The following SOX5 variants were observed in gnomAD, a reference collection of about 807,000 sequenced individuals.
The protein encoded by SOX5 is transcription factor SOX-5.
A neutral mutation model predicts 92.0 loss-of-function variants in SOX5; 9 were observed. That is an observed-to-expected ratio of 0.10 (90% CI 0.06 to 0.17). The LOEUF is 0.17. Ranked by LOEUF, SOX5 falls within the 10% of genes least tolerant of loss-of-function variation. The pLI, the probability that SOX5 is intolerant of heterozygous loss-of-function variation, is 1.00. For synonymous variants in SOX5, 344 were observed against 336.3 expected (o/e 1.02, Z -0.25); for missense variants, 642 against 944.5 (o/e 0.68, Z 4.20).
intron 5 of SOX5, among the ~76,000 whole-genome samples, chr12:23,737,229 T>C (rs1252470294): frequency 6.6e-6 from 1 of 152,174 alleles, no homozygotes; most frequent in Non-Finnish European, 1.5e-5. Flanking sequence ...TGCTCCATTT[T>C]GCTCCTGCTC....
intron 4 of SOX5, among the ~76,000 whole-genome samples, chr12:23,977,497 C>T (rs149153914): frequency 2.4e-3 from 364 of 152,068 alleles, no homozygotes; most frequent in Admixed American, 3.6e-3. Flanking sequence ...TGGCGAAATC[C>T]CATCTCTACT....
chr12:23,760,409 G>A (rs1042755334), intron 3 of SOX5, among the ~76,000 whole-genome samples: 14 of 151,926 alleles, frequency 9.2e-5, no homozygotes, highest in African/African-American at 3.1e-4. Flanking sequence ...GAAATAGGAC[G>A]GATATAAGAC....
At chr12:23,580,620 T>A (rs1949910244) in intron 9 of SOX5, among the ~76,000 whole-genome samples, 1 of 152,086 alleles carries the variant, frequency 6.6e-6, no homozygotes, top group South Asian at 2.1e-4. Context: ...AGCTCACTCA[T>A]GATATAACTT....
chr12:23,609,210 G>C (rs2075659382), intron 8 of SOX5, among the ~76,000 whole-genome samples: 1 of 152,142 alleles, frequency 6.6e-6, no homozygotes, highest in South Asian at 2.1e-4. Context: ...TGCATACATA[G>C]CCATGTTAGA....
chr12:23,805,317 G>A (rs188323048), intron 3 of SOX5, among the ~76,000 whole-genome samples: 19 of 151,780 alleles, frequency 1.3e-4, no homozygotes, highest in African/African-American at 4.1e-4. Context: ...ATATGTTGAT[G>A]CATATGTGTG....
intron 2 of SOX5, among the ~76,000 whole-genome samples, chr12:24,313,522 T>C (rs143767709): frequency 7.0e-4 from 106 of 152,140 alleles, no homozygotes; most frequent in African/African-American, 2.4e-3. Flanking sequence ...AGAGTGAGAA[T>C]GTATCCAAAA....
intron 2 of SOX5, among the ~76,000 whole-genome samples, chr12:24,356,975 A>G (rs1565976731): frequency 6.6e-6 from 1 of 152,038 alleles, no homozygotes; most frequent in Non-Finnish European, 1.5e-5. Context: ...AGTGGCAGAG[A>G]AAAAAGGCTG....
At chr12:24,304,206 A>G (rs1422491700) in intron 2 of SOX5, among the ~76,000 whole-genome samples, 1 of 152,222 alleles carries the variant, frequency 6.6e-6, no homozygotes, top group Non-Finnish European at 1.5e-5. Flanking sequence ...ATTCCATGTC[A>G]AAGAGATAGC....
At chr12:24,206,934 CTG>C (rs1459754030) in intron 4 of SOX5, among the ~76,000 whole-genome samples, 2 of 152,236 alleles carry the variant, frequency 1.3e-5, no homozygotes, top group Non-Finnish European at 1.5e-5. Context: ...CAGTAAGCAA[CTG>C]TGCCGAACAC....
rs1964594128 is a variant in SOX5, at chr12:24,414,098, C to T, written c.-250-45459G>A. On this transcript the variant is annotated intron_variant, in intron 1 of 4. Transcript: ENST00000446891. ...CTTGTTCATCTCCCATTTATATTCA[C>T]AGTCAGATACTATAATTAAATAATA... is the stretch of plus-strand genomic sequence containing the variant. Among the ~76,000 whole-genome samples the T allele has an allele frequency of 2.6e-5, 4 of 152,152 alleles. No homozygotes were observed. In the South Asian group the frequency reaches 8.3e-4, roughly 32 times the overall value.
At chr12:24,536,272 G>A (rs1202603137) in intron 1 of SOX5, among the ~76,000 whole-genome samples, 2 of 152,208 alleles carry the variant, frequency 1.3e-5, no homozygotes, top group Admixed American at 6.5e-5. Context: ...AGAAATGCCA[G>A]TTAAACAAAA....
chr12:24,361,938 T>G (rs1045262602), intron 2 of SOX5, among the ~76,000 whole-genome samples: 2 of 152,216 alleles, frequency 1.3e-5, no homozygotes, highest in African/African-American at 4.8e-5. Context: ...GACACAGGGA[T>G]GGGCAGAGAC....
intron 1 of SOX5, among the ~76,000 whole-genome samples, chr12:24,469,834 T>TTCCTCAAA (rs1944613467): frequency 6.6e-6 from 1 of 152,218 alleles, no homozygotes; most frequent in Non-Finnish European, 1.5e-5. Context: ...CAATTGGAGT[T>TTCCTCAAA]TCCTCAAATG....
At position 23,917,589 on chromosome 12, in the gene SOX5, C is replaced by T. The variant is rs1206536643; in HGVS notation, c.39-21565G>A. On this transcript the variant is annotated intron_variant, in intron 1 of 14. Coordinates refer to ENST00000451604, the MANE Select transcript of SOX5 (RefSeq NM_006940.6). Reference sequence around the variant, plus strand: ...GAAAATAAATAAAAATAAAAAGAACCCTTTAGCAGTCAAAATGATGGCATT... The same window carrying T: ...GAAAATAAATAAAAATAAAAAGAACTCTTTAGCAGTCAAAATGATGGCATT... Among the ~76,000 whole-genome samples, 3 of 151,878 alleles carry T rather than the reference C, an allele frequency of 2.0e-5. No homozygotes were observed. The East Asian group carries it at 5.8e-4, about 29-fold the overall frequency.
chr12:24,562,188 C>G (rs1167444962), intron 1 of SOX5: 1 of 152,564 alleles, frequency 6.6e-6, no homozygotes, highest in East Asian at 1.9e-4. Flanking sequence ...GGCCCCCTCC[C>G]TCCTCCGCGG....
chr12:24,269,688 C>CTTTTTTTTTTTTTTTTTTTTTTTTCT (rs58098308), intron 3 of SOX5, among the ~76,000 whole-genome samples: 1 of 116,756 alleles, frequency 8.6e-6, no homozygotes, highest in Non-Finnish European at 1.7e-5. Flanking sequence ...TATTTTTATT[C>CTTTTTTTTTTTTTTTTTTTTTTTTCT]TTTTTTTTTT....
At chr12:24,201,576 A>T (rs1326264366) in intron 4 of SOX5, among the ~76,000 whole-genome samples, 1 of 152,316 alleles carries the variant, frequency 6.6e-6, no homozygotes, top group Non-Finnish European at 1.5e-5. Context: ...ACTATTTTGA[A>T]CACAAAAAAA....
intron 6 of SOX5, among the ~76,000 whole-genome samples, chr12:23,732,925 C>G (rs1361936961): frequency 6.6e-6 from 1 of 152,094 alleles, no homozygotes; most frequent in East Asian, 1.9e-4. Context: ...AAAAAATGTT[C>G]TGACTTATAA....
intron 3 of SOX5, among the ~76,000 whole-genome samples, chr12:23,810,792 CA>C (rs1031099919): frequency 1.3e-5 from 2 of 152,174 alleles, no homozygotes; most frequent in Non-Finnish European, 2.9e-5. Flanking sequence ...CCAAGCCCAA[CA>C]GTGGATAAAG....
Sources: allele counts gnomAD v4.1 joint callset (sites outside exome capture counted in the v4.1 genomes callset), GRCh38; gene constraint gnomAD v4.1.1; transcripts MANE v1.5; gene names NCBI Gene and HGNC (gene_info 2026-07-23, HGNC 2026-07-21).